Variants in PHACTR3 observed in about 807,000 individuals in gnomAD.
PHACTR3 encodes protein phosphatase 1, regulatory subunit 123.
Under a neutral mutation model 66.8 loss-of-function variants are expected in PHACTR3, and 16 were observed. The observed-to-expected ratio is 0.24, with a 90% CI of 0.16 to 0.36. The LOEUF is 0.36. Among genes scored for constraint, PHACTR3 ranks in the 10% least tolerant of loss-of-function variants. The pLI is 1.00. For missense variants in PHACTR3, 647 were observed against 719.9 expected, an observed-to-expected ratio of 0.90 and a Z score of 1.16; for synonymous variants, 323 against 292.1, an observed-to-expected ratio of 1.11 and a Z score of -1.08.
At chr20:59,674,461 CTCTCTTCTCCTGTT>C (rs2036322327) in intron 1 of PHACTR3, among the ~76,000 whole-genome samples, 9 of 141,162 alleles carry the variant, frequency 6.4e-5, no homozygotes, top group South Asian at 2.4e-4. Context: ...TTCTCCTGTC[CTCTCTTCTCCTGTT>C]CCCCCTTGTT....
At chr20:59,599,352 C>T (rs912728427) in intron 1 of PHACTR3, among the ~76,000 whole-genome samples, 2 of 152,222 alleles carry the variant, frequency 1.3e-5, no homozygotes, top group African/African-American at 4.8e-5. Flanking sequence ...GTCCTTGGCC[C>T]ATCAGCTCCC....
At chr20:59,761,157 T>C (rs2039979789) in intron 4 of PHACTR3, among the ~76,000 whole-genome samples, 1 of 152,134 alleles carries the variant, frequency 6.6e-6, no homozygotes, top group South Asian at 2.1e-4. Flanking sequence ...CCCATGTCTG[T>C]GTCTGCATGG....
intron 8 of PHACTR3, among the ~76,000 whole-genome samples, chr20:59,833,079 C>T (rs929572080): frequency 3.3e-5 from 5 of 152,140 alleles, no homozygotes; most frequent in African/African-American, 1.2e-4. Context: ...TCCTGGCACT[C>T]TGTAAGTAGA....
intron 1 of PHACTR3, among the ~76,000 whole-genome samples, chr20:59,582,559 C>T (rs187245238): frequency 5.3e-5 from 8 of 152,314 alleles, no homozygotes; most frequent in Non-Finnish European, 7.3e-5. Flanking sequence ...ACAGCAGTGT[C>T]GGAGGTACCC....
chr20:59,789,976 CTT>C (rs2041038481), intron 7 of PHACTR3, among the ~76,000 whole-genome samples: 2 of 152,238 alleles, frequency 1.3e-5, no homozygotes, highest in Non-Finnish European at 2.9e-5. Context: ...GTAACTAAGA[CTT>C]TGTGCATCTC....
At chr20:59,745,079 G>A (rs755867411) in intron 2 of PHACTR3, among the ~76,000 whole-genome samples, 15 of 152,220 alleles carry the variant, frequency 9.9e-5, no homozygotes, top group Non-Finnish European at 1.9e-4. Context: ...TGAGCAGGGC[G>A]GGCACTGCTT....
At chr20:59,710,894 G>T (rs2037888835) in intron 1 of PHACTR3, among the ~76,000 whole-genome samples, 2 of 137,526 alleles carry the variant, frequency 1.5e-5, no homozygotes, top group South Asian at 5.2e-4. Flanking sequence ...GAAAGATTTT[G>T]GGGGAAAAAT....
upstream of PHACTR3, among the ~76,000 whole-genome samples, chr20:59,602,555 A>G (rs2033510636): frequency 6.6e-6 from 1 of 152,188 alleles, no homozygotes; most frequent in Non-Finnish European, 1.5e-5. Context: ...AGGGAAGGCT[A>G]AAAATCATAG....
chr20:59,582,542 A>C (rs2032892850), intron 1 of PHACTR3, among the ~76,000 whole-genome samples: 1 of 152,030 alleles, frequency 6.6e-6, no homozygotes, highest in African/African-American at 2.4e-5. Context: ...TGGCTGTGTC[A>C]CTCCCAACAG....
chr20:59,617,769 T>A (rs1343841846), intron 1 of PHACTR3, among the ~76,000 whole-genome samples: 1 of 152,206 alleles, frequency 6.6e-6, no homozygotes, highest in African/African-American at 2.4e-5. Context: ...ACGGCACGTG[T>A]CATTTCTCCC....
chr20:59,791,380 T>C (rs1193359967), intron 7 of PHACTR3, among the ~76,000 whole-genome samples: 1 of 152,152 alleles, frequency 6.6e-6, no homozygotes, highest in East Asian at 1.9e-4. Flanking sequence ...GGTATTCTGT[T>C]ATAGCAGCAT....
Position 59,738,907 on chromosome 20 carries a change from G to A in PHACTR3, c.119-4200G>A, listed in dbSNP as rs183837039. Among the ~76,000 whole-genome samples, 91 of 152,228 alleles carry A rather than the reference G, an allele frequency of 6.0e-4. 3 individuals are homozygous for A. Among genetic ancestry groups the A allele is most frequent in the Admixed American group, 1.9e-3 (29 of 15,296 alleles). ...GGAGACCTAGCCCATCCTTCCCCTC[G>A]TGCAAAGCATGCTCAGGACAGCAGG... On this transcript the variant is annotated intron_variant, in intron 1 of 12. Transcript: ENST00000371015. The surrounding 1 kb of genome is among the most constrained non-coding windows in gnomAD (Gnocchi z 4.4).
Position 59,661,352 on chromosome 20 carries a change from G to A in PHACTR3, c.118+56220G>A, listed in dbSNP as rs1171484745. 5.3e-5 allele frequency among the ~76,000 whole-genome samples: 8 copies of A among 152,290 alleles called. 1 individual carries two copies. The East Asian group carries it at 1.5e-3, about 29-fold the overall frequency. On this transcript the variant is annotated intron_variant, in intron 1 of 12. Coordinates refer to ENST00000371015, the MANE Select transcript of PHACTR3 (RefSeq NM_080672.5). Reference sequence around the variant, plus strand: ...GACCAACGACAGGCCCATGAGTCTGGAAGGTGGGGAAGGGGGGAGCATGCA... The same window carrying A: ...GACCAACGACAGGCCCATGAGTCTGAAAGGTGGGGAAGGGGGGAGCATGCA...
intron 5 of PHACTR3, among the ~76,000 whole-genome samples, chr20:59,771,786 A>G (rs74737361): frequency 5.8e-4 from 89 of 152,314 alleles, no homozygotes; most frequent in African/African-American, 2.1e-3. Flanking sequence ...GAAATAACTA[A>G]AGTCCTCCAC....
intron 1 of PHACTR3, among the ~76,000 whole-genome samples, chr20:59,735,171 T>A (rs563725641): frequency 1.3e-5 from 2 of 152,260 alleles, no homozygotes; most frequent in East Asian, 3.9e-4. Context: ...GTGGCTCATG[T>A]CACATTATGA....
chr20:59,846,893 C>T (rs2073775241), intron 12 of PHACTR3, among the ~76,000 whole-genome samples: 1 of 152,132 alleles, frequency 6.6e-6, no homozygotes. Flanking sequence ...AAACTAAGTT[C>T]TAGATAGTCC....
At chr20:59,627,008 T>C (rs2034474881) in intron 1 of PHACTR3, 2 of 152,222 alleles carry the variant, frequency 1.3e-5, no homozygotes, top group Admixed American at 1.3e-4. Context: ...AGCTCCCTTA[T>C]ACCACCCAAA....
chr20:59,693,360 C>A (rs2037179668), intron 1 of PHACTR3, among the ~76,000 whole-genome samples: 1 of 152,298 alleles, frequency 6.6e-6, no homozygotes, highest in South Asian at 2.1e-4. Flanking sequence ...TTTGCAGAAT[C>A]ATCACCTACT....
At chr20:59,754,593 AG>A (rs1489329926) in intron 3 of PHACTR3, among the ~76,000 whole-genome samples, 5 of 152,176 alleles carry the variant, frequency 3.3e-5, no homozygotes, top group African/African-American at 1.2e-4. Context: ...GTGGGTGCAG[AG>A]GTGAGTTGGT....
Sources: gnomAD v4.1 joint callset for allele counts (sites outside exome capture counted in the v4.1 genomes callset) on GRCh38, gnomAD v4.1.1 for gene constraint, Gnocchi (gnomAD v3.1) non-coding constraint, MANE v1.5 for transcripts, NCBI Gene and HGNC (gene_info 2026-07-23, HGNC 2026-07-21) for gene names.